Variants in TANC1 observed in about 807,000 individuals in gnomAD.
TANC1 encodes protein TANC1.
Under a neutral mutation model 149.7 loss-of-function variants are expected in TANC1, and 77 were observed. The observed-to-expected ratio is 0.51, with a 90% CI of 0.43 to 0.62. The LOEUF is 0.62. TANC1 is among the 20% of genes least tolerant of loss of function. The probability of loss-of-function intolerance (pLI) is 0.00; values close to 1 mark genes in which losing one functional copy is unlikely to be tolerated. For synonymous variants in TANC1, 854 were observed against 925.0 expected (o/e 0.92, Z 1.39); for missense variants, 1,985 against 2,321.8 (o/e 0.85, Z 2.98).
At chr2:159,107,030 G>GTTTA (rs2047253479) in intron 4 of TANC1, among the ~76,000 whole-genome samples, 1 of 151,948 alleles carries the variant, frequency 6.6e-6, no homozygotes, top group African/African-American at 2.4e-5. Flanking sequence ...TTGTTTGTTT[G>GTTTA]TTTGTTTGTT....
At chr2:159,191,989 G>A (rs569710251) in intron 16 of TANC1, among the ~76,000 whole-genome samples, 40 of 152,050 alleles carry the variant, frequency 2.6e-4, no homozygotes, top group African/African-American at 9.6e-4. Context: ...AGCTGTTAAA[G>A]GAGCATCATT....
chr2:159,069,706 A>G (rs1285245930), intron 3 of TANC1, among the ~76,000 whole-genome samples: 1 of 152,090 alleles, frequency 6.6e-6, no homozygotes, highest in African/African-American at 2.4e-5. Context: ...AATAGGAAAA[A>G]AAGTCCCATT....
At chr2:159,013,021 A>C (rs557570936) in intron 2 of TANC1, among the ~76,000 whole-genome samples, 1 of 152,248 alleles carries the variant, frequency 6.6e-6, no homozygotes, top group African/African-American at 2.4e-5. Flanking sequence ...TATGTGTGTG[A>C]TGGAGAAATT....
chr2:159,182,292 T>C (rs541448223), intron 14 of TANC1, among the ~76,000 whole-genome samples: 34 of 152,302 alleles, frequency 2.2e-4, no homozygotes, highest in Non-Finnish European at 4.3e-4. Flanking sequence ...TGTTTCCTTT[T>C]TTTTTGTTGA....
chr2:159,139,488 T>C (rs2051128096), intron 5 of TANC1, among the ~76,000 whole-genome samples: 2 of 152,178 alleles, frequency 1.3e-5, no homozygotes, highest in Admixed American at 6.5e-5. Flanking sequence ...ACAAACAATA[T>C]CTGCGTTAAG....
In TANC1 at chr2:159,103,880, G is replaced by T. The variant is rs1574682915; in HGVS notation, c.259+6046G>T. Among the ~76,000 whole-genome samples, 2 of 96,986 alleles carry T rather than the reference G, an allele frequency of 2.1e-5. 1 individual carries two copies. The allele number at this position is 96,986 out of a possible 152,430, so 63.6% of individuals were successfully genotyped here. A position where few individuals can be genotyped will look rare whatever the true frequency, so the allele number is the denominator to read the frequency against. On this transcript the variant is annotated intron_variant, in intron 4 of 26. Coordinates refer to ENST00000263635, the MANE Select transcript of TANC1 (RefSeq NM_033394.3). ...TGTTCTGCCTGTACGTTGTTGGCTT[G>T]TGAGCTGTAAATAATGTGAGTGTGT... is the stretch of plus-strand genomic sequence containing the variant.
chr2:159,175,106 A>G lies in TANC1; in HGVS notation c.1657A>G (p.Ser553Gly). 3 of 1,614,148 alleles carry G rather than the reference A, an allele frequency of 1.9e-6. No homozygotes were observed. The highest frequency in any genetic ancestry group is 2.5e-6 in the Non-Finnish European group (3 of 1,180,036). Residue 553 changes from serine (S) to glycine (G), a missense_variant, in exon 12 of 27, where the codon AGC (serine) becomes GGC (glycine). By Grantham distance (56) the Ser-to-Gly change is moderately conservative (BLOSUM62 0). Coordinates refer to ENST00000263635, the MANE Select transcript of TANC1 (RefSeq NM_033394.3). ...GGAGCCCCAACTACAGAGCATGCTG[A>G]GCCTCCGATCCTGTGTGCAGGACCC... The part of the protein sequence containing the change: ...IKEPQLQSML[S>G]LRSCVQDPVA...
chr2:159,178,275 C>A lies in TANC1; in HGVS notation c.1903-281C>A, dbSNP rs2288106. Among the ~76,000 whole-genome samples, 21,641 of 152,212 alleles carry A rather than the reference C, an allele frequency of 0.14. 2,045 individuals carry two copies. Among genetic ancestry groups the A allele is most frequent in the East Asian group, 0.46 (2,386 of 5,158 alleles). On this transcript the variant is annotated intron_variant, in intron 13 of 26. Transcript: ENST00000263635. ...CCCTTACTGGCCCTGGCCTCGTTGCCGCTGTCTGCACAGGGCTCTTACTCT... is the reference window on the plus strand; with the variant it reads ...CCCTTACTGGCCCTGGCCTCGTTGCAGCTGTCTGCACAGGGCTCTTACTCT...
intron 24 of TANC1, 21 bp from the exon 25 acceptor site, chr2:159,227,798 T>C (rs1335633062): frequency 6.2e-7 from 1 of 1,612,854 alleles, no homozygotes; most frequent in East Asian, 2.2e-5. Context: ...AGGACAAATG[T>C]TTGTGATTTT....
chr2:159,226,611 GAATT>G (rs1428682591), intron 24 of TANC1: 2 of 152,152 alleles, frequency 1.3e-5, no homozygotes, highest in East Asian at 1.9e-4. Context: ...TCAGAAGACT[GAATT>G]AATTTTTTCC....
chr2:159,117,370 A>G (rs1260524787), intron 4 of TANC1, among the ~76,000 whole-genome samples: 1 of 152,100 alleles, frequency 6.6e-6, no homozygotes. Flanking sequence ...TAATGAACTG[A>G]TATTGATACC....
intron 3 of TANC1, among the ~76,000 whole-genome samples, chr2:159,093,536 C>T (rs1166050114): frequency 6.6e-6 from 1 of 152,166 alleles, no homozygotes; most frequent in Non-Finnish European, 1.5e-5. Context: ...AGTTAAAGCT[C>T]CTGGCTCCAG....
At chr2:159,018,645 T>G (rs771450382) in intron 2 of TANC1, among the ~76,000 whole-genome samples, 16 of 152,182 alleles carry the variant, frequency 1.1e-4, no homozygotes, top group Non-Finnish European at 2.1e-4. Flanking sequence ...AACAATAACT[T>G]TCCATTTCTC....
chr2:159,065,955 A>G lies in TANC1; in HGVS notation c.45A>G (p.Gly15=). Residue 15 remains glycine, a synonymous_variant, in exon 3 of 27, where the codon GGA becomes GGG. Transcript: ENST00000263635. ...AGAAGAGCCGAGAGGGAGGAAAGGG[A>G]GGCAAGAAGGAAGCAGGTATGTGTG... ...VLKKSREGGK[G]GKKEAGSDFG... 6.2e-7 allele frequency: 1 copy of G among 1,613,704 alleles called. No homozygotes were observed. Among genetic ancestry groups the G allele is most frequent in the Non-Finnish European group, 8.5e-7 (1 of 1,179,614 alleles).
chr2:159,013,321 CAG>C (rs1559132011), intron 2 of TANC1, among the ~76,000 whole-genome samples: 4 of 152,210 alleles, frequency 2.6e-5, no homozygotes, highest in Admixed American at 2.6e-4. Context: ...GGGTGAGACA[CAG>C]AGGATCACAC....
At position 159,072,932 on chromosome 2, in the gene TANC1, C is replaced by T. The variant is rs146420734; in HGVS notation, c.61+6961C>T. 8.5e-4 allele frequency among the ~76,000 whole-genome samples: 130 copies of T among 152,324 alleles called. 4 individuals are homozygous for T. The South Asian group carries it at 0.02, about 24-fold the overall frequency. Reference sequence around the variant, plus strand: ...GGCTCTTCTCCCAGCTTCAGCCTTTCCCCTATAACAAAACTGGGGAAGCTC... The same window carrying T: ...GGCTCTTCTCCCAGCTTCAGCCTTTTCCCTATAACAAAACTGGGGAAGCTC... On this transcript the variant is annotated intron_variant, in intron 3 of 26. Coordinates refer to ENST00000263635, the MANE Select transcript of TANC1 (RefSeq NM_033394.3).
chr2:159,224,667 G>A (rs2059911595), intron 23 of TANC1: 1 of 313,436 alleles, frequency 3.2e-6, no homozygotes, highest in African/African-American at 2.1e-5. Context: ...GCCGGGTAGT[G>A]CTGCTGAAAG....
At chr2:159,046,589 C>CTTTTTTTTT (rs57208685) in intron 2 of TANC1, among the ~76,000 whole-genome samples, 2 of 84,398 alleles carry the variant, frequency 2.4e-5, no homozygotes, top group Non-Finnish European at 4.2e-5. Flanking sequence ...CTTTTCTTTA[C>CTTTTTTTTT]TTTTTTTTTT....
intron 3 of TANC1, among the ~76,000 whole-genome samples, chr2:159,092,086 A>G (rs770003018): frequency 6.6e-5 from 10 of 152,184 alleles, no homozygotes; most frequent in Non-Finnish European, 1.5e-4. Context: ...CCCTAGTTAA[A>G]TGCATTGCAC....
Sources: gnomAD v4.1 joint callset for allele counts (sites outside exome capture counted in the v4.1 genomes callset) on GRCh38, gnomAD v4.1.1 for gene constraint, MANE v1.5 for transcripts, NCBI Gene and HGNC (gene_info 2026-07-23, HGNC 2026-07-21) for gene names.